Variants in MACROD2 observed in about 807,000 individuals in gnomAD.
MACROD2 encodes the protein ADP-ribose glycohydrolase MACROD2.
Under a neutral mutation model 70.4 loss-of-function variants are expected in MACROD2, and 36 were observed. The observed-to-expected ratio is 0.51, with a 90% CI of 0.39 to 0.68. MACROD2 has a LOEUF of 0.68. Ranked by LOEUF, MACROD2 falls within the 30% of genes least tolerant of loss-of-function variation. The pLI, the probability that MACROD2 is intolerant of heterozygous loss-of-function variation, is 0.00. For synonymous variants in MACROD2, 172 were observed against 178.8 expected, an observed-to-expected ratio of 0.96 and a Z score of 0.30; for missense variants, 496 against 538.4, an observed-to-expected ratio of 0.92 and a Z score of 0.78.
At chr20:14,771,854 T>G (rs2072173330) in intron 5 of MACROD2, among the ~76,000 whole-genome samples, 1 of 152,050 alleles carries the variant, frequency 6.6e-6, no homozygotes, top group Non-Finnish European at 1.5e-5. Flanking sequence ...CTTTTTTTCT[T>G]TTTTGTATGT....
At chr20:14,151,811 CTTTTTTTTTT>C (rs144065987) in intron 3 of MACROD2, among the ~76,000 whole-genome samples, 4 of 59,190 alleles carry the variant, frequency 6.8e-5, no homozygotes, top group Non-Finnish European at 9.0e-5. Flanking sequence ...TGTATTGTAT[CTTTTTTTTTT>C]TTTTTTTTTT....
intron 8 of MACROD2, among the ~76,000 whole-genome samples, chr20:15,747,336 T>C (rs2051198806): frequency 6.6e-6 from 1 of 152,070 alleles, no homozygotes; most frequent in African/African-American, 2.4e-5. Context: ...TGCACCAAAG[T>C]AGGTGTGGGG....
chr20:14,169,939 G>A (rs1176541767), intron 3 of MACROD2, among the ~76,000 whole-genome samples: 1 of 151,944 alleles, frequency 6.6e-6, no homozygotes, highest in African/African-American at 2.4e-5. Flanking sequence ...TGTCGCCCAG[G>A]CTGGAGTGCT....
chr20:15,582,587 G>T (rs751725328), intron 8 of MACROD2, among the ~76,000 whole-genome samples: 1 of 152,260 alleles, frequency 6.6e-6, no homozygotes, highest in African/African-American at 2.4e-5. Context: ...AAGTCCCTCC[G>T]CACGACTCAT....
At chr20:15,448,250 C>T (rs1436475629) in intron 7 of MACROD2, among the ~76,000 whole-genome samples, 1 of 152,076 alleles carries the variant, frequency 6.6e-6, no homozygotes, top group Non-Finnish European at 1.5e-5. Context: ...GCCTGACTCT[C>T]TTTCAGTCTG....
At chr20:14,755,819 A>G (rs937509630) in intron 5 of MACROD2, among the ~76,000 whole-genome samples, 4 of 152,068 alleles carry the variant, frequency 2.6e-5, no homozygotes, top group Non-Finnish European at 5.9e-5. Context: ...ATATTCTATC[A>G]ATAGGAAGAA....
chr20:16,025,573 G>A (rs893997272), intron 15 of MACROD2, among the ~76,000 whole-genome samples: 1 of 151,178 alleles, frequency 6.6e-6, no homozygotes, highest in Admixed American at 6.6e-5. Context: ...AGGCCTGAGT[G>A]GAGCTGGTGC....
At chr20:16,005,703 TTTG>T (rs1484204214) in intron 15 of MACROD2, among the ~76,000 whole-genome samples, 1 of 152,228 alleles carries the variant, frequency 6.6e-6, no homozygotes, top group Non-Finnish European at 1.5e-5. Context: ...AGCGTGTCTT[TTTG>T]TTGTTGTCGA....
chr20:15,128,232 T>C (rs1305573351), intron 5 of MACROD2, among the ~76,000 whole-genome samples: 1 of 152,108 alleles, frequency 6.6e-6, no homozygotes, highest in Non-Finnish European at 1.5e-5. Flanking sequence ...TGAAGTCACA[T>C]ATATTTTTTA....
chr20:15,246,055 G>T (rs1349394424), intron 6 of MACROD2, among the ~76,000 whole-genome samples: 2 of 152,138 alleles, frequency 1.3e-5, no homozygotes, highest in African/African-American at 2.4e-5. Flanking sequence ...CGAACCATAG[G>T]CTAGAATCAT....
chr20:15,347,899 A>G (rs1225194938), intron 6 of MACROD2, among the ~76,000 whole-genome samples: 1 of 152,216 alleles, frequency 6.6e-6, no homozygotes, highest in East Asian at 1.9e-4. Flanking sequence ...ATAGGAATAT[A>G]CAACATATAG....
intron 5 of MACROD2, among the ~76,000 whole-genome samples, chr20:14,965,393 T>C (rs1568901349): frequency 6.6e-6 from 1 of 151,978 alleles, no homozygotes; most frequent in East Asian, 1.9e-4. Flanking sequence ...TAAAATGATA[T>C]TACTAGATCC....
At chr20:15,595,272 C>T (rs900625535) in intron 8 of MACROD2, among the ~76,000 whole-genome samples, 13 of 152,004 alleles carry the variant, frequency 8.6e-5, no homozygotes, top group African/African-American at 2.9e-4. Context: ...ATTTATGTTA[C>T]GTATAGTTCA....
At chr20:15,813,213 A>G (rs2063838354) in intron 8 of MACROD2, among the ~76,000 whole-genome samples, 1 of 152,184 alleles carries the variant, frequency 6.6e-6, no homozygotes, top group Non-Finnish European at 1.5e-5. Flanking sequence ...ACTCAAAACC[A>G]TTGGACATTT....
At chr20:15,141,352 T>G (rs943123725) in intron 5 of MACROD2, among the ~76,000 whole-genome samples, 1 of 150,712 alleles carries the variant, frequency 6.6e-6, no homozygotes, top group African/African-American at 2.4e-5. Context: ...CATATAGAAT[T>G]TACATGCATT....
At chr20:15,970,247 G>A (rs2066209730) in intron 13 of MACROD2, among the ~76,000 whole-genome samples, 1 of 152,052 alleles carries the variant, frequency 6.6e-6, no homozygotes, top group Non-Finnish European at 1.5e-5. Flanking sequence ...CCAGATAGAA[G>A]GCCAAAGATA....
intron 4 of MACROD2, among the ~76,000 whole-genome samples, chr20:14,523,919 T>G (rs1431097391): frequency 6.6e-6 from 1 of 152,184 alleles, no homozygotes; most frequent in Non-Finnish European, 1.5e-5. Context: ...AGATCCTTCC[T>G]GAGGATATGC....
At chr20:15,789,572 T>C (rs952448837) in intron 8 of MACROD2, among the ~76,000 whole-genome samples, 1 of 151,822 alleles carries the variant, frequency 6.6e-6, no homozygotes, top group Non-Finnish European at 1.5e-5. Flanking sequence ...TAAAAGACTA[T>C]TGAGTATCTA....
rs1197961965 is a variant in MACROD2, at chr20:15,021,111, TGTGTATACAC to T, written c.419-208824_419-208815del. Among the ~76,000 whole-genome samples the T allele has an allele frequency of 7.7e-4, 75 of 97,040 alleles. 4 individuals carry two copies. The highest frequency in any genetic ancestry group is 2.9e-3 in the African/African-American group (71 of 24,134). The allele number at this position is 97,040 out of a possible 152,430, so 63.7% of individuals were successfully genotyped here. ...ACACGTGTATGTGTATACACGTGTATGTGTATACACGTGTGTATACACATACGTGTGTGTA... is the reference window on the plus strand; with the variant it reads ...ACACGTGTATGTGTATACACGTGTATGTGTGTATACACATACGTGTGTGTA... On this transcript the variant is annotated intron_variant, in intron 5 of 17. Transcript: ENST00000684519.
Sources: gnomAD v4.1 joint callset for allele counts (sites outside exome capture counted in the v4.1 genomes callset) on GRCh38, gnomAD v4.1.1 for gene constraint, MANE v1.5 for transcripts, NCBI Gene and HGNC (gene_info 2026-07-23, HGNC 2026-07-21) for gene names.